The following ENOX1 variants were observed in gnomAD, a reference collection of about 807,000 sequenced individuals.
ENOX1 encodes the protein ecto-NOX disulfide-thiol exchanger 1.
Under a neutral mutation model 82.5 loss-of-function variants are expected in ENOX1, and 42 were observed. The ratio of observed to expected loss-of-function variants is 0.51; its 90% CI spans 0.40 to 0.66. The LOEUF (loss-of-function observed/expected upper bound fraction) is 0.66, where lower values mean the gene tolerates loss of function less well. Among genes scored for constraint, ENOX1 ranks in the 30% least tolerant of loss-of-function variants. The pLI, the probability that ENOX1 is intolerant of heterozygous loss-of-function variation, is 0.00. For missense variants in ENOX1, 608 were observed against 811.6 expected (o/e 0.75, Z 3.05); for synonymous variants, 271 against 282.2 (o/e 0.96, Z 0.40).
intron 2 of ENOX1, among the ~76,000 whole-genome samples, chr13:43,619,408 A>G (rs1446021072): frequency 6.6e-6 from 1 of 151,994 alleles, no homozygotes; most frequent in African/African-American, 2.4e-5. Context: ...CTTTTATTAC[A>G]TTAAGGTATG....
intron 15 of ENOX1, among the ~76,000 whole-genome samples, chr13:43,231,780 A>G (rs954860599): frequency 6.6e-6 from 1 of 152,202 alleles, no homozygotes; most frequent in Non-Finnish European, 1.5e-5. Context: ...CTCATTATCT[A>G]TGAACTTCTT....
intron 2 of ENOX1, among the ~76,000 whole-genome samples, chr13:43,617,458 CA>C (rs1277654503): frequency 2.3e-4 from 35 of 152,090 alleles, no homozygotes; most frequent in Admixed American, 1.6e-3. Context: ...ATTTGAGAGA[CA>C]AAAAAGTCTG....
At chr13:43,445,658 CTG>C (rs2056615126) in intron 3 of ENOX1, among the ~76,000 whole-genome samples, 1 of 152,100 alleles carries the variant, frequency 6.6e-6, no homozygotes, top group African/African-American at 2.4e-5. Context: ...TTTTAAAAGA[CTG>C]TGTTTTACAA....
At chr13:43,569,627 C>A (rs1433899368) in intron 2 of ENOX1, among the ~76,000 whole-genome samples, 1 of 151,106 alleles carries the variant, frequency 6.6e-6, no homozygotes, top group Non-Finnish European at 1.5e-5. Context: ...TTATTAGAAT[C>A]TTTTCCTTAG....
chr13:43,419,007 G>C (rs535661490), intron 3 of ENOX1, among the ~76,000 whole-genome samples: 1 of 151,992 alleles, frequency 6.6e-6, no homozygotes, highest in Non-Finnish European at 1.5e-5. Context: ...GTGAAACCCC[G>C]TCTCTACTAA....
intron 2 of ENOX1, among the ~76,000 whole-genome samples, chr13:43,649,221 A>G (rs2153774916): frequency 6.6e-6 from 1 of 152,352 alleles, no homozygotes; most frequent in Admixed American, 6.5e-5. Flanking sequence ...CATAGTGTCA[A>G]TAATTACATC....
intron 2 of ENOX1, among the ~76,000 whole-genome samples, chr13:43,604,835 T>G (rs1414718505): frequency 6.6e-6 from 1 of 152,186 alleles, no homozygotes; most frequent in Non-Finnish European, 1.5e-5. Flanking sequence ...TCAAATTTTT[T>G]GGTTGCAGAT....
chr13:43,383,890 T>A lies in ENOX1; in HGVS notation c.209-22438A>T, dbSNP rs533646874. Among the ~76,000 whole-genome samples the A allele has an allele frequency of 9.2e-5, 14 of 152,344 alleles. No individual in the cohort carries two copies. The South Asian group carries it at 2.9e-3, about 32-fold the overall frequency. On this transcript the variant is annotated intron_variant, in intron 5 of 16. Coordinates refer to ENST00000690772, the MANE Select transcript of ENOX1 (RefSeq NM_001347969.2). Reference sequence around the variant, plus strand: ...TGACTCTCAATTCTGAGCATCCTTCTTCTCTCCTTCCAGCAGGTGTTTTCA... The same window carrying A: ...TGACTCTCAATTCTGAGCATCCTTCATCTCTCCTTCCAGCAGGTGTTTTCA...
At chr13:43,652,022 T>A (rs548220405) in intron 2 of ENOX1, among the ~76,000 whole-genome samples, 1 of 151,032 alleles carries the variant, frequency 6.6e-6, no homozygotes, top group East Asian at 1.9e-4. Context: ...TTGATTGTTA[T>A]ATCTATTCTG....
chr13:43,621,589 G>A (rs866828517), intron 2 of ENOX1, among the ~76,000 whole-genome samples: 3 of 152,118 alleles, frequency 2.0e-5, no homozygotes, highest in Admixed American at 6.5e-5. Context: ...TCCCAATCCC[G>A]TCTAGCTTGT....
rs573082765 is a variant in ENOX1, at chr13:43,294,322, G to T, written c.1446+4024C>A. Among the ~76,000 whole-genome samples the T allele has an allele frequency of 4.6e-5, 7 of 152,264 alleles. No individual in the cohort carries two copies. In the East Asian group the frequency reaches 9.6e-4, roughly 21 times the overall value. ...TATGATTTACACAAGGCTTCAAAAA[G>T]AATTCTGATTTTTAAGCGGATTATT... is the stretch of plus-strand genomic sequence containing the variant. On this transcript the variant is annotated intron_variant, in intron 12 of 16. Transcript: ENST00000690772.
chr13:43,415,760 T>A (rs2054436419), intron 3 of ENOX1, among the ~76,000 whole-genome samples: 1 of 152,128 alleles, frequency 6.6e-6, no homozygotes, highest in South Asian at 2.1e-4. Context: ...GGTCGCTATC[T>A]CTTCGGAGCT....
At chr13:43,393,363 T>C (rs1348679888) in intron 5 of ENOX1, among the ~76,000 whole-genome samples, 3 of 152,228 alleles carry the variant, frequency 2.0e-5, no homozygotes, top group Non-Finnish European at 4.4e-5. Flanking sequence ...TGGTTTGTAG[T>C]GTTCTAATAA....
intron 2 of ENOX1, among the ~76,000 whole-genome samples, chr13:43,639,326 C>A (rs2083535530): frequency 1.3e-5 from 2 of 152,084 alleles, no homozygotes; most frequent in African/African-American, 4.8e-5. Context: ...AAAACTGTGA[C>A]ATATACAAAC....
intron 11 of ENOX1, among the ~76,000 whole-genome samples, chr13:43,299,425 C>T (rs1456195652): frequency 6.6e-6 from 1 of 152,166 alleles, no homozygotes; most frequent in Non-Finnish European, 1.5e-5. Flanking sequence ...GGATCAAGAG[C>T]TTTGTATGAA....
At chr13:43,354,333 GAC>G (rs1167600368) in intron 8 of ENOX1, among the ~76,000 whole-genome samples, 3 of 152,196 alleles carry the variant, frequency 2.0e-5, no homozygotes, top group Non-Finnish European at 4.4e-5. Flanking sequence ...CAAAGCAGCA[GAC>G]ACACCACAAG....
At chr13:43,303,492 T>C (rs2046698366) in intron 11 of ENOX1, among the ~76,000 whole-genome samples, 1 of 152,140 alleles carries the variant, frequency 6.6e-6, no homozygotes, top group African/African-American at 2.4e-5. Flanking sequence ...GTGACTGCCC[T>C]AGAGGGTGCC....
At chr13:43,771,257 T>A (rs1265712381) in intron 1 of ENOX1, among the ~76,000 whole-genome samples, 1 of 152,088 alleles carries the variant, frequency 6.6e-6, no homozygotes, top group African/African-American at 2.4e-5. Context: ...TGAGGCCACG[T>A]AAAAGCTGCA....
intron 1 of ENOX1, among the ~76,000 whole-genome samples, chr13:43,673,553 T>A (rs1239245539): frequency 6.6e-6 from 1 of 152,234 alleles, no homozygotes; most frequent in African/African-American, 2.4e-5. Context: ...TGGTTTGGCC[T>A]CTCTAGAAAG....
Sources: allele counts gnomAD v4.1 joint callset (sites outside exome capture counted in the v4.1 genomes callset), GRCh38; gene constraint gnomAD v4.1.1; transcripts MANE v1.5; gene names NCBI Gene and HGNC (gene_info 2026-07-23, HGNC 2026-07-21).